Variants in TRPA1 observed in about 807,000 individuals in gnomAD.
TRPA1 encodes ankyrin-like with transmembrane domains 1.
In TRPA1, 129 loss-of-function variants were observed where a neutral mutation model predicts 131.3. The observed-to-expected ratio is 0.98, with a 90% CI of 0.85 to 1.14. TRPA1 has a LOEUF of 1.14. TRPA1 is among the 50% of genes most tolerant of loss of function. The probability of loss-of-function intolerance (pLI) is 0.00; values close to 1 mark genes in which losing one functional copy is unlikely to be tolerated. For synonymous variants in TRPA1, 441 were observed against 451.7 expected, an observed-to-expected ratio of 0.98 and a Z score of 0.30; for missense variants, 1,304 against 1,354.2, an observed-to-expected ratio of 0.96 and a Z score of 0.58.
intron 17 of TRPA1, 29 bp from the exon 18 acceptor site, chr8:72,039,826 A>G (rs1460467102): frequency 2.1e-6 from 3 of 1,433,066 alleles, no homozygotes; most frequent in Non-Finnish European, 2.9e-6. Context: ...TGTAATAAAA[A>G]CACAATCATA....
At chr8:72,050,052 T>A (rs1192304726) in intron 15 of TRPA1, among the ~76,000 whole-genome samples, 1 of 152,160 alleles carries the variant, frequency 6.6e-6, no homozygotes, top group East Asian at 1.9e-4. Context: ...CATTAACTTG[T>A]CATTTACATT....
chr8:72,084,103 A>G, the TRPA1 span, among the ~76,000 whole-genome samples: 1 of 152,156 alleles, frequency 6.6e-6, no homozygotes, highest in African/African-American at 2.4e-5. Context: ...CTGGAATTTC[A>G]TTAGGCTACA....
chr8:72,051,840 G>A (rs138270325), intron 14 of TRPA1, among the ~76,000 whole-genome samples: 74 of 152,232 alleles, frequency 4.9e-4, no homozygotes, highest in African/African-American at 1.8e-3. Flanking sequence ...CTGAACCCCT[G>A]GAGTCTCACA....
At chr8:72,025,924 A>C (rs919260461) in intron 25 of TRPA1, 36 bp downstream of exon 25, 3 of 1,543,868 alleles carry the variant, frequency 1.9e-6, no homozygotes, top group Admixed American at 1.7e-5. Flanking sequence ...AAACAGTGTC[A>C]TGTTACTGAT....
chr8:72,047,065 G>T, intron 16 of TRPA1, 83 bp downstream of exon 16: 1 of 1,067,026 alleles, frequency 9.4e-7, no homozygotes, highest in East Asian at 2.6e-5. Flanking sequence ...GTAGATTACA[G>T]ATCAATAGTA....
the TRPA1 span, among the ~76,000 whole-genome samples, chr8:72,086,198 G>T: frequency 6.6e-6 from 1 of 152,126 alleles, no homozygotes; most frequent in African/African-American, 2.4e-5. Flanking sequence ...ACCATGCCAG[G>T]CCCTTGCACA....
rs1805485387 is a variant in TRPA1, at chr8:72,050,846, TG to T, written c.1836del (p.Phe612LeufsTer15). The T allele has an allele frequency of 1.9e-5, 30 of 1,610,522 alleles. No homozygotes were observed. The highest frequency in any genetic ancestry group is 2.5e-5 in the Non-Finnish European group (29 of 1,177,966). ...SKRWDECLKIFSHNSPGNKCP... is the reference protein window; with the variant it reads ...SKRWDECLKIXSHNSPGNKCP... ...CATTTATTGCCTGGAGAATTATGAC[TG>T]AAAATCTTAAGACATTCATCCCATC... On this transcript the variant is annotated frameshift_variant, in exon 15 of 27. Transcript: ENST00000262209. LOFTEE classifies it high-confidence loss of function.
rs756289129 is a variant in TRPA1, at chr8:72,047,170, T to C, written c.1943A>G (p.Asp648Gly). 1 of 1,611,046 alleles carries C rather than the reference T, an allele frequency of 6.2e-7. No homozygotes were observed. The highest frequency in any genetic ancestry group is 1.1e-5 in the South Asian group (1 of 90,898). Residue 648 changes from aspartate (D) to glycine (G), a missense_variant, in exon 16 of 27, where the codon GAC (aspartate) becomes GGC (glycine). Transcript: ENST00000262209. The part of the protein sequence containing the change: ...LDFCMLHSTE[D>G]KSCRDYYIEY... ...TACATAATAGTCTCGGCAGGACTTGTCTTCTGTGGAATGCAACATGCAGAA... is the reference window on the plus strand; with the variant it reads ...TACATAATAGTCTCGGCAGGACTTGCCTTCTGTGGAATGCAACATGCAGAA...
intron 12 of TRPA1, 150 bp downstream of exon 12, chr8:72,055,286 A>T: frequency 1.5e-6 from 1 of 676,376 alleles, no homozygotes; most frequent in Non-Finnish European, 2.5e-6. Context: ...TATTTTTAGA[A>T]GTTACATATG....
At position 72,069,083 on chromosome 8, in the gene TRPA1, GTTTCGGAGA is replaced by G; in HGVS notation, c.375_383del (p.Leu126_Asn128del). On this transcript the variant is annotated inframe_deletion, in exon 3 of 27. Transcript: ENST00000262209. ...TGTGGAGAGGAGCCATCATGTTGAA[GTTTCGGAGA>G]TTTGGGTTTGCTCCTCTGCTGAGAA... The G allele has an allele frequency of 6.2e-7, 1 of 1,614,038 alleles. No individual in the cohort carries two copies. The highest frequency in any genetic ancestry group is 8.5e-7 in the Non-Finnish European group (1 of 1,180,006).
chr8:72,054,332 A>T (rs556947944), intron 12 of TRPA1: 1 of 174,020 alleles, frequency 5.7e-6, no homozygotes, highest in African/African-American at 2.4e-5. Context: ...TGGCTATAAG[A>T]TGCTTAGCTT....
chr8:72,084,944 C>A, the TRPA1 span, among the ~76,000 whole-genome samples: 1 of 152,008 alleles, frequency 6.6e-6, no homozygotes, highest in Non-Finnish European at 1.5e-5. Context: ...CCTCAGCACC[C>A]GGCCAGTGAT....
At chr8:72,036,931 T>C (rs1472084001) in intron 20 of TRPA1, among the ~76,000 whole-genome samples, 2 of 152,224 alleles carry the variant, frequency 1.3e-5, no homozygotes, top group Non-Finnish European at 2.9e-5. Flanking sequence ...TTTTTATGTA[T>C]TGGTCATTAA....
intron 24 of TRPA1, among the ~76,000 whole-genome samples, chr8:72,026,872 T>C (rs1441918637): frequency 6.6e-6 from 1 of 152,146 alleles, no homozygotes; most frequent in East Asian, 1.9e-4. Context: ...CCATAAATAG[T>C]GAAATGGTAA....
chr8:72,083,578 C>CAA, the TRPA1 span, among the ~76,000 whole-genome samples: 5,229 of 127,754 alleles, frequency 0.041, 322 homozygotes, highest in African/African-American at 0.14. Context: ...ACTAAAAATA[C>CAA]AAAAAAAAAA....
chr8:72,059,344 A>C (rs11423229), intron 8 of TRPA1, 46 bp downstream of exon 8: 440,393 of 1,236,922 alleles, frequency 0.36, 82,320 homozygotes, highest in Admixed American at 0.59. Context: ...ACGATTTCTT[A>C]AATTATAAAT....
the TRPA1 span, among the ~76,000 whole-genome samples, chr8:72,086,181 G>A: frequency 6.6e-6 from 1 of 152,140 alleles, no homozygotes; most frequent in African/African-American, 2.4e-5. Flanking sequence ...GATTACAGGC[G>A]TGAGCCACCA....
intron 3 of TRPA1, 123 bp downstream of exon 3, chr8:72,068,900 T>C: frequency 4.1e-6 from 4 of 975,742 alleles, no homozygotes; most frequent in South Asian, 1.3e-5. Flanking sequence ...AATGTAATAA[T>C]TGCATTTTGT....
Position 72,022,711 on chromosome 8 carries a change from C to A in TRPA1, c.*195G>T, listed in dbSNP as rs193117663. On this transcript the variant is annotated 3_prime_UTR_variant, in exon 27 of 27. Transcript: ENST00000262209. Reference sequence around the variant, plus strand: ...AATTTGAACATATCTGCAAAGATATCCCCAATACATAGTGATTGGTAGAAA... The same window carrying A: ...AATTTGAACATATCTGCAAAGATATACCCAATACATAGTGATTGGTAGAAA... 4.6e-6 allele frequency: 3 copies of A among 652,538 alleles called. No individual in the cohort carries two copies. The African/African-American group carries it at 5.4e-5, about 12-fold the overall frequency. The allele number at this position is 652,538 out of a possible 1,614,324, so 40.4% of individuals were successfully genotyped here.
Sources: gnomAD v4.1 joint callset for allele counts (sites outside exome capture counted in the v4.1 genomes callset) on GRCh38, gnomAD v4.1.1 for gene constraint, MANE v1.5 for transcripts, NCBI Gene and HGNC (gene_info 2026-07-23, HGNC 2026-07-21) for gene names.